NRXN1: variants seen among roughly 807,000 people sequenced by gnomAD.
NRXN1 encodes neurexin 1.
NRXN1 carries 39 observed loss-of-function variants against 150.9 expected under a neutral mutation model. The observed-to-expected ratio is 0.26, with a 90% CI of 0.20 to 0.34. The LOEUF (loss-of-function observed/expected upper bound fraction) is 0.34. Among genes scored for constraint, NRXN1 ranks in the 10% least tolerant of loss-of-function variants. NRXN1 has a pLI of 1.00. For synonymous variants in NRXN1, 924 were observed against 757.0 expected, an observed-to-expected ratio of 1.22 and a Z score of -3.62; for missense variants, 1,815 against 1,949.9, an observed-to-expected ratio of 0.93 and a Z score of 1.30.
intron 2 of NRXN1, 116 bp downstream of exon 2, chr2:51,027,386 G>T: frequency 9.1e-7 from 1 of 1,093,372 alleles, no homozygotes; most frequent in Non-Finnish European, 1.2e-6. Context: ...TCCTTCCCTC[G>T]AAGCGAACTG....
At chr2:50,237,040 T>C (rs1574658995) in intron 17 of NRXN1, 70 bp from the exon 18 acceptor site, 2 of 1,416,340 alleles carry the variant, frequency 1.4e-6, no homozygotes, top group East Asian at 2.3e-5. Context: ...GCATGTTATA[T>C]TGATATATCA....
chr2:50,465,390 C>G (rs1466066084), intron 17 of NRXN1, 52 bp downstream of exon 17: 1 of 1,522,292 alleles, frequency 6.6e-7, no homozygotes, highest in Non-Finnish European at 8.9e-7. Flanking sequence ...AGATATCAAA[C>G]AGTAACTGGA....
chr2:50,864,353 G>A (rs1676565765), intron 5 of NRXN1, among the ~76,000 whole-genome samples: 1 of 151,986 alleles, frequency 6.6e-6, no homozygotes, highest in Admixed American at 6.6e-5. Context: ...CAAGCTCCCT[G>A]AATTTATAGG....
intron 2 of NRXN1, among the ~76,000 whole-genome samples, chr2:50,933,411 C>T (rs912981413): frequency 1.3e-5 from 2 of 152,048 alleles, no homozygotes; most frequent in African/African-American, 4.8e-5. Context: ...CCCTTACATA[C>T]TCGCTGTGTA....
At position 49,982,963 on chromosome 2, in the gene NRXN1, A is replaced by G. The variant is rs373739844; in HGVS notation, c.4129-39172T>C. Among the ~76,000 whole-genome samples, 59 of 152,254 alleles carry G rather than the reference A, an allele frequency of 3.9e-4. No homozygotes were observed. The East Asian group carries it at 5.2e-3, about 13-fold the overall frequency. On this transcript the variant is annotated intron_variant, in intron 21 of 22. Transcript: ENST00000401669. ...GCATGCTATGTTCTATAACATCTTTACTGGCATGAACATGCTGTCTTTTCT... is the reference window on the plus strand; with the variant it reads ...GCATGCTATGTTCTATAACATCTTTGCTGGCATGAACATGCTGTCTTTTCT...
chr2:50,918,026 G>T (rs917749449), intron 5 of NRXN1: 4 of 151,594 alleles, frequency 2.6e-5, no homozygotes, highest in African/African-American at 9.7e-5. Context: ...TCAGGTGGAA[G>T]AGTTGTATCC....
At chr2:50,942,992 G>A (rs1301514289) in intron 2 of NRXN1, among the ~76,000 whole-genome samples, 1 of 152,110 alleles carries the variant, frequency 6.6e-6, no homozygotes, top group Non-Finnish European at 1.5e-5. Context: ...AGTGGCCTGT[G>A]GGTGGTGACT....
intron 21 of NRXN1, chr2:49,970,268 G>T (rs1677721479): frequency 1.3e-5 from 2 of 151,802 alleles, no homozygotes; most frequent in African/African-American, 2.4e-5. Context: ...ATTGATTTTT[G>T]GGAAATCTGA....
chr2:50,783,899 T>C (rs947757641), intron 5 of NRXN1, among the ~76,000 whole-genome samples: 1 of 152,132 alleles, frequency 6.6e-6, no homozygotes, highest in Non-Finnish European at 1.5e-5. Context: ...TCCTTATTCC[T>C]GACCCTGCGC....
intron 5 of NRXN1, among the ~76,000 whole-genome samples, chr2:50,856,877 A>G (rs1182832682): frequency 6.6e-6 from 1 of 152,122 alleles, no homozygotes; most frequent in East Asian, 1.9e-4. Flanking sequence ...TTAGATATAA[A>G]TGAGGTTTAT....
chr2:50,975,363 T>C (rs1354407723), intron 2 of NRXN1, among the ~76,000 whole-genome samples: 1 of 152,228 alleles, frequency 6.6e-6, no homozygotes, highest in East Asian at 1.9e-4. Flanking sequence ...CAAGCTTCCA[T>C]TTGAAAAACA....
At chr2:50,492,663 C>T (rs1168271008) in intron 15 of NRXN1, among the ~76,000 whole-genome samples, 1 of 152,070 alleles carries the variant, frequency 6.6e-6, no homozygotes, top group East Asian at 1.9e-4. Flanking sequence ...CTTCTGCTGC[C>T]CTCTAGTGTC....
chr2:50,171,884 T>C lies in NRXN1; in HGVS notation c.3546+64905A>G, dbSNP rs191794362. On this transcript the variant is annotated intron_variant, in intron 18 of 22. Coordinates refer to ENST00000401669, the MANE Select transcript of NRXN1 (RefSeq NM_001330078.2). ...CCCTGGTCACTGACTATCTGAAAAC[T>C]AATTTTGGTTGCCTGAGAATAAAAA... 1.2e-4 allele frequency among the ~76,000 whole-genome samples: 19 copies of C among 152,248 alleles called. No homozygotes were observed. In the East Asian group the frequency reaches 3.7e-3, roughly 29 times the overall value.
chr2:49,968,453 C>G (rs953598597), intron 21 of NRXN1, among the ~76,000 whole-genome samples: 2 of 151,944 alleles, frequency 1.3e-5, no homozygotes, highest in African/African-American at 4.8e-5. Context: ...GTATGTTGTC[C>G]TGAGAACATG....
intron 5 of NRXN1, among the ~76,000 whole-genome samples, chr2:50,797,085 C>T (rs569990416): frequency 6.6e-6 from 1 of 152,242 alleles, no homozygotes; most frequent in South Asian, 2.1e-4. Flanking sequence ...AATAACTTTC[C>T]GAAAGTCCCC....
intron 5 of NRXN1, among the ~76,000 whole-genome samples, chr2:50,671,791 T>A (rs1411536625): frequency 1.3e-5 from 2 of 151,884 alleles, no homozygotes; most frequent in East Asian, 3.9e-4. Context: ...TAACATAATT[T>A]AAGCTTCTAG....
At chr2:50,948,425 A>C (rs1690759340) in intron 2 of NRXN1, among the ~76,000 whole-genome samples, 1 of 152,100 alleles carries the variant, frequency 6.6e-6, no homozygotes, top group Admixed American at 6.6e-5. Context: ...AGAAGCAATA[A>C]AAAACACACT....
At chr2:50,054,459 C>T (rs914984451) in intron 20 of NRXN1, among the ~76,000 whole-genome samples, 1 of 152,170 alleles carries the variant, frequency 6.6e-6, no homozygotes, top group Admixed American at 6.6e-5. Context: ...TTCCCAAATC[C>T]TCTTAGAAGG....
chr2:50,921,919 TC>T, intron 4 of NRXN1, 39 bp from the exon 5 acceptor site: 3 of 1,331,074 alleles, frequency 2.3e-6, no homozygotes, highest in Non-Finnish European at 3.0e-6. Context: ...AGAAAGGGTT[TC>T]CAGACAAAGA....
Sources: allele counts gnomAD v4.1 joint callset (sites outside exome capture counted in the v4.1 genomes callset), GRCh38; gene constraint gnomAD v4.1.1; transcripts MANE v1.5; gene names NCBI Gene and HGNC (gene_info 2026-07-23, HGNC 2026-07-21).